Variants in MEIS3 observed in about 807,000 individuals in gnomAD.
MEIS3 encodes the protein Meis homeobox 3, also known as homeobox protein Meis3.
MEIS3 carries 38 observed loss-of-function variants against 51.4 expected under a neutral mutation model. That is an observed-to-expected ratio of 0.74 (90% CI 0.57 to 0.97). MEIS3 has a LOEUF of 0.97. MEIS3 is among the 50% of genes least tolerant of loss of function. The probability of loss-of-function intolerance (pLI) is 0.00; values close to 1 mark genes in which losing one functional copy is unlikely to be tolerated. For missense variants in MEIS3, 456 were observed against 502.6 expected (o/e 0.91, Z 0.89); for synonymous variants, 198 against 201.8 (o/e 0.98, Z 0.16).
At chr19:47,406,795 T>C (rs1347495914) in intron 11 of MEIS3, 93 bp downstream of exon 11, 1 of 1,210,250 alleles carries the variant, frequency 8.3e-7, no homozygotes, top group Non-Finnish European at 1.1e-6. Flanking sequence ...ACACACTGTA[T>C]TCCGCTTGAA....
chr19:47,407,045 C>T (rs767919661), intron 10 of MEIS3, 34 bp downstream of exon 10: 6 of 1,598,084 alleles, frequency 3.8e-6, no homozygotes, highest in Non-Finnish European at 5.1e-6. Context: ...CTCCTAAGAA[C>T]CCCAGGCTCT....
At chr19:47,412,561 GTTGT>G (rs1210370870) in intron 6 of MEIS3, among the ~76,000 whole-genome samples, 4 of 151,638 alleles carry the variant, frequency 2.6e-5, no homozygotes, top group South Asian at 2.1e-4. Flanking sequence ...CTAATTTGTT[GTTGT>G]TTGTTTGTTT....
At chr19:47,420,885 GTC>G (rs1223289628), upstream of MEIS3, among the ~76,000 whole-genome samples, 2 of 92,096 alleles carry the variant, frequency 2.2e-5, no homozygotes, top group Non-Finnish European at 4.9e-5. Context: ...GTCCGTCTCT[GTC>G]TCTCGCTCTC....
At chr19:47,407,302 G>A (rs915201697) in intron 9 of MEIS3, 50 bp downstream of exon 9, 4 of 1,587,854 alleles carry the variant, frequency 2.5e-6, no homozygotes, top group Admixed American at 1.7e-5. Flanking sequence ...CGCGGACAGC[G>A]CCCGGGCTCT....
intron 6 of MEIS3, among the ~76,000 whole-genome samples, chr19:47,410,727 A>G (rs1170912228): frequency 3.3e-5 from 5 of 151,732 alleles, no homozygotes; most frequent in South Asian, 2.1e-4. Flanking sequence ...GATCACACCA[A>G]TGCACTCCAG....
chr19:47,421,278 A>G (rs1053934135), upstream of MEIS3, among the ~76,000 whole-genome samples: 1 of 152,102 alleles, frequency 6.6e-6, no homozygotes, highest in Non-Finnish European at 1.5e-5. Context: ...CTCTATGAGT[A>G]GATCTGGGGG....
At chr19:47,407,183 G>T in intron 9 of MEIS3, 46 bp from the exon 10 acceptor site, 1 of 1,584,014 alleles carries the variant, frequency 6.3e-7, no homozygotes, top group Non-Finnish European at 8.6e-7. Context: ...AGAGGGAGTG[G>T]GAGAGAGGCC....
chr19:47,408,468 A>T (rs544781084), intron 8 of MEIS3, among the ~76,000 whole-genome samples: 1 of 150,504 alleles, frequency 6.6e-6, no homozygotes, highest in Non-Finnish European at 1.5e-5. Context: ...CTGACTCACT[A>T]TCTCTGTGTG....
Position 47,416,941 on chromosome 19 carries a change from C to T in MEIS3, c.208G>A (p.Ala70Thr). Residue 70 changes from alanine (A) to threonine (T), a missense_variant, in exon 3 of 13, where the codon GCC becomes ACC. By Grantham distance (58) the Ala-to-Thr change is moderately conservative (BLOSUM62 0). Transcript: ENST00000558555. ...AGTTCACATTTCTCAAAGACCAGGG[C>T]CAAGAGGGGGAAGAGCGGGTGTCTG... is the stretch of plus-strand genomic sequence containing the variant. ...IYGHPLFPLL[A>T]LVFEKCELAT... 2 of 1,598,488 alleles carry T rather than the reference C, an allele frequency of 1.3e-6. No homozygotes were observed. Among genetic ancestry groups the T allele is most frequent in the South Asian group, 2.2e-5 (2 of 89,292 alleles).
Position 47,417,217 on chromosome 19 carries a change from T to C in MEIS3, c.146A>G (p.Asp49Gly). The C allele has an allele frequency of 6.3e-7, 1 of 1,582,244 alleles. No individual in the cohort carries two copies. Among genetic ancestry groups the C allele is most frequent in the Non-Finnish European group, 8.6e-7 (1 of 1,166,352 alleles). The change falls in exon 2 of 13, where the codon GAC becomes GGC. Residue 49 changes from aspartate (D) to glycine (G), a missense_variant. Physicochemically the swap from Asp to Gly is moderately conservative, Grantham distance 94. Coordinates refer to ENST00000558555, the MANE Select transcript of MEIS3 (RefSeq NM_001301059.2). ...CTTCTCCCTCTTCAGGCCGTCGCTG[T>C]CCAAGCCTGGGGGCAGGGGCTGGGG... The part of the protein sequence containing the change: ...RPPQPLPPGL[D>G]SDGLKREKDE...
At chr19:47,415,278 G>A (rs1971352849) in intron 4 of MEIS3, among the ~76,000 whole-genome samples, 177 bp from the exon 5 acceptor site, 1 of 152,030 alleles carries the variant, frequency 6.6e-6, no homozygotes, top group Non-Finnish European at 1.5e-5. Context: ...GGTGCAAGGG[G>A]GAAAGAGAGA....
upstream of MEIS3, among the ~76,000 whole-genome samples, chr19:47,420,940 A>ACACACACACACTCTCT (rs1187725467): frequency 8.9e-4 from 81 of 90,946 alleles, no homozygotes; most frequent in Non-Finnish European, 1.3e-3. Context: ...ACACACACAC[A>ACACACACACACTCTCT]CTCTCTCTCT....
chr19:47,413,336 T>C (rs1431242592), intron 6 of MEIS3, among the ~76,000 whole-genome samples: 1 of 149,856 alleles, frequency 6.7e-6, no homozygotes, highest in Non-Finnish European at 1.5e-5. Flanking sequence ...GAGCTTGCAG[T>C]GAGCCGAGAT....
upstream of MEIS3, among the ~76,000 whole-genome samples, chr19:47,420,827 T>C (rs1971680115): frequency 6.6e-6 from 1 of 151,550 alleles, no homozygotes; most frequent in Admixed American, 6.6e-5. Context: ...TCCGGCTTTC[T>C]GAGGCTCTTC....
At chr19:47,407,762 CCT>C (rs1318862928) in intron 8 of MEIS3, 3 of 482,110 alleles carry the variant, frequency 6.2e-6, no homozygotes, top group Non-Finnish European at 1.1e-5. Context: ...CCAGGCCCTC[CCT>C]CTCTGAATCT....
Position 47,409,257 on chromosome 19 carries a change from G to A in MEIS3, c.710-10C>T, listed in dbSNP as rs760679617. The stretch of plus-strand genomic sequence containing the variant: ...GTGTCCAGCCCGTCTCCTGAGGGAA[G>A]GCAGGCATGCTGTGTGTGTGGGTAG... On this transcript the variant is annotated splice_polypyrimidine_tract_variant and intron_variant, in intron 7 of 12. Transcript: ENST00000558555. 6.2e-7 allele frequency: 1 copy of A among 1,604,978 alleles called. No individual in the cohort carries two copies.
At chr19:47,420,975 T>TCTCTCTCTCTC (rs1568434395), upstream of MEIS3, among the ~76,000 whole-genome samples, 228 of 79,028 alleles carry the variant, frequency 2.9e-3, 2 homozygotes, top group African/African-American at 0.01. Context: ...CTCTCTCTCT[T>TCTCTCTCTCTC]CCTGGCTGTC....
At chr19:47,406,042 G>T (rs1204228070) in intron 12 of MEIS3, 1 of 158,824 alleles carries the variant, frequency 6.3e-6, no homozygotes, top group Non-Finnish European at 1.4e-5. Context: ...AGATAAATGG[G>T]TAGATGTGTG....
upstream of MEIS3, among the ~76,000 whole-genome samples, chr19:47,420,659 C>A (rs949667013): frequency 4.0e-5 from 6 of 150,748 alleles, no homozygotes; most frequent in African/African-American, 1.2e-4. Context: ...CCTGCCACCC[C>A]CAAAACAAGA....
Sources: gnomAD v4.1 joint callset for allele counts (sites outside exome capture counted in the v4.1 genomes callset) on GRCh38, gnomAD v4.1.1 for gene constraint, MANE v1.5 for transcripts, NCBI Gene and HGNC (gene_info 2026-07-23, HGNC 2026-07-21) for gene names.